The following DCUN1D4 variants were observed in gnomAD, a reference collection of about 807,000 sequenced individuals.
DCUN1D4 encodes defective in cullin neddylation 1 domain containing 4, also known as DCN1-like protein 4.
In DCUN1D4, 22 loss-of-function variants were observed where a neutral mutation model predicts 47.9. That is an observed-to-expected ratio of 0.46 (90% CI 0.33 to 0.66). The LOEUF (loss-of-function observed/expected upper bound fraction) is 0.66, where lower values mean the gene tolerates loss of function less well. Among genes scored for constraint, DCUN1D4 ranks in the 30% least tolerant of loss-of-function variants. The pLI, the probability that DCUN1D4 is intolerant of heterozygous loss-of-function variation, is 0.02. For missense variants in DCUN1D4, 301 were observed against 340.8 expected (o/e 0.88, Z 0.92); for synonymous variants, 121 against 112.2 (o/e 1.08, Z -0.50).
At chr4:51,864,022 G>GCAATGTGAAA (rs1725510896) in intron 3 of DCUN1D4, among the ~76,000 whole-genome samples, 1 of 152,170 alleles carries the variant, frequency 6.6e-6, no homozygotes, top group Non-Finnish European at 1.5e-5. Context: ...AATTTGAAAG[G>GCAATGTGAAA]TATTCCACAA....
At chr4:51,845,988 C>A (rs2109790802) in intron 1 of DCUN1D4, among the ~76,000 whole-genome samples, 1 of 152,248 alleles carries the variant, frequency 6.6e-6, no homozygotes, top group African/African-American at 2.4e-5. Flanking sequence ...GGAATTTTTT[C>A]TTGCAGAGGG....
chr4:51,913,755 T>C lies in DCUN1D4; in HGVS notation c.*171T>C. 1.7e-6 allele frequency: 1 copy of C among 588,536 alleles called. No individual in the cohort carries two copies. Among genetic ancestry groups the C allele is most frequent in the Non-Finnish European group, 2.9e-6 (1 of 341,148 alleles). 36.5% of individuals were successfully genotyped at this position (588,536 alleles called of 1,614,324 possible). On this transcript the variant is annotated 3_prime_UTR_variant, in exon 11 of 11. Transcript: ENST00000334635. ...GGCCAGCTCTGCTTGCTGTGTGGCA[T>C]TGTTCTCTTGGAAGGCTGCTTTGCA...
intron 3 of DCUN1D4, among the ~76,000 whole-genome samples, chr4:51,867,926 C>G (rs995491578): frequency 6.6e-6 from 1 of 152,248 alleles, no homozygotes; most frequent in African/African-American, 2.4e-5. Context: ...GGGGCACCTG[C>G]AGGTCTGCGC....
the DCUN1D4 span, among the ~76,000 whole-genome samples, chr4:51,837,390 G>C: frequency 6.6e-6 from 1 of 152,156 alleles, no homozygotes; most frequent in African/African-American, 2.4e-5. Flanking sequence ...ATCTTAGGCC[G>C]GGCGCGGTGG....
chr4:51,909,852 T>G (rs931521446), intron 8 of DCUN1D4, among the ~76,000 whole-genome samples: 2 of 152,204 alleles, frequency 1.3e-5, no homozygotes. Flanking sequence ...GGCAACAAGT[T>G]TCCTTGTCTT....
At chr4:51,891,621 C>G in intron 6 of DCUN1D4, 139 bp from the exon 7 acceptor site, 1 of 626,450 alleles carries the variant, frequency 1.6e-6, no homozygotes, top group Non-Finnish European at 2.6e-6. Context: ...GAAGTTAACT[C>G]TGCTCATATT....
At position 51,908,785 on chromosome 4, in the gene DCUN1D4, C is replaced by T. The variant is rs554539503; in HGVS notation, c.616-2285C>T. On this transcript the variant is annotated intron_variant, in intron 8 of 10. Transcript: ENST00000334635. ...TGTGGGAGCTCTCGACTGTTGTTCC[C>T]GGGAATTTTTAGTGTTTCCAGTCAT... The T allele has an allele frequency of 4.8e-5, 20 of 413,838 alleles. No individual in the cohort carries two copies. The East Asian group carries it at 1.2e-3, about 25-fold the overall frequency. The allele number at this position is 413,838 out of a possible 1,614,324, so 25.6% of individuals were successfully genotyped here.
At chr4:51,881,068 C>G (rs1397417061) in intron 5 of DCUN1D4, among the ~76,000 whole-genome samples, 1 of 152,054 alleles carries the variant, frequency 6.6e-6, no homozygotes, top group African/African-American at 2.4e-5. Context: ...GCAGAGGTTG[C>G]AGTGAGCCAA....
chr4:51,887,108 T>C (rs1238138605), intron 6 of DCUN1D4: 1 of 195,644 alleles, frequency 5.1e-6, no homozygotes, highest in Non-Finnish European at 1.1e-5. Context: ...AAGTGATTGC[T>C]TTTTTTTTTT....
chr4:51,839,453 G>A (rs973600481), upstream of DCUN1D4, among the ~76,000 whole-genome samples: 1 of 152,166 alleles, frequency 6.6e-6, no homozygotes, highest in Non-Finnish European at 1.5e-5. Flanking sequence ...TAGTTTACCA[G>A]TACAGTACTA....
intron 1 of DCUN1D4, chr4:51,844,832 A>G: frequency 1.0e-6 from 1 of 985,088 alleles, no homozygotes; most frequent in Non-Finnish European, 1.2e-6. Context: ...GCACGTGGGT[A>G]ACTGTGGAAA....
At position 51,889,482 on chromosome 4, in the gene DCUN1D4, G is replaced by A. The variant is rs557265695; in HGVS notation, c.415-2278G>A. On this transcript the variant is annotated intron_variant, in intron 6 of 10. Transcript: ENST00000334635. ...ATTTAAGTACTTAGATTTCTTGTTA[G>A]TTAACTTATGAAAGTCTCTTTTTTA... Among the ~76,000 whole-genome samples the A allele has an allele frequency of 5.3e-5, 8 of 152,266 alleles. No homozygotes were observed. In the South Asian group the frequency reaches 1.7e-3, roughly 32 times the overall value.
chr4:51,906,861 C>T (rs186892965), intron 8 of DCUN1D4, among the ~76,000 whole-genome samples: 1 of 152,328 alleles, frequency 6.6e-6, no homozygotes, highest in East Asian at 1.9e-4. Flanking sequence ...CAGTGAAGAG[C>T]TCCAGCTTAG....
Position 51,886,638 on chromosome 4 carries a change from C to T in DCUN1D4, c.414C>T (p.Asn138=), listed in dbSNP as rs200700354. ...FCEDIGVEPE[N]VVMLVLAWKL... is the part of the protein sequence containing the mutation. ...AAGACATTGGTGTTGAACCAGAAAA[C>T]GTGAGTCAAACTTACTGAGTTGGGT... Residue 138 remains asparagine, a splice_region_variant and synonymous_variant, in exon 6 of 11, where the codon AAC becomes AAT. Transcript: ENST00000334635. 3.3e-5 allele frequency: 54 copies of T among 1,613,494 alleles called. No individual in the cohort carries two copies. The highest frequency in any genetic ancestry group is 3.6e-5 in the Non-Finnish European group (43 of 1,179,678).
intron 8 of DCUN1D4, chr4:51,909,561 A>T (rs1733392323): frequency 6.5e-6 from 1 of 153,916 alleles, no homozygotes; most frequent in Non-Finnish European, 1.4e-5. Context: ...CAGTCTCTAG[A>T]TCACCTCTTC....
intron 8 of DCUN1D4, among the ~76,000 whole-genome samples, chr4:51,901,102 CT>C (rs1408379419): frequency 3.3e-5 from 5 of 152,162 alleles, no homozygotes; most frequent in African/African-American, 1.2e-4. Context: ...CATTCTTTCA[CT>C]TCTTACCCTG....
intron 5 of DCUN1D4, 113 bp from the exon 6 acceptor site, chr4:51,886,455 C>T (rs1729487574): frequency 7.2e-6 from 6 of 834,368 alleles, no homozygotes; most frequent in Admixed American, 2.9e-5. Context: ...TTTTTTTTTC[C>T]AAAAGGAGTT....
chr4:51,913,585 G>C lies in DCUN1D4; in HGVS notation c.*1G>C, dbSNP rs145055298. 5 of 1,611,378 alleles carry C rather than the reference G, an allele frequency of 3.1e-6. No homozygotes were observed. The highest frequency in any genetic ancestry group is 1.7e-4 in the Middle Eastern group (1 of 6,050). On this transcript the variant is annotated 3_prime_UTR_variant, in exon 11 of 11. Transcript: ENST00000334635. ...GTATAAAGACAAACAGATGTCCTAG[G>C]ACTTTATGCATAGCAGCGAGAGAGT...
Position 51,865,233 on chromosome 4 carries a change from C to A in DCUN1D4, c.136+1524C>A, listed in dbSNP as rs574966639. ...GCACCAGCATTTCCTCTGTAATCTTCCTTTATGATACCACCTCCTACATCT... is the reference window on the plus strand; with the variant it reads ...GCACCAGCATTTCCTCTGTAATCTTACTTTATGATACCACCTCCTACATCT... On this transcript the variant is annotated intron_variant, in intron 3 of 10. Coordinates refer to ENST00000334635, the MANE Select transcript of DCUN1D4 (RefSeq NM_001040402.3). 1.8e-4 allele frequency: 39 copies of A among 217,424 alleles called. 1 individual carries two copies. In the South Asian group the frequency reaches 3.0e-3, roughly 17 times the overall value. 13.5% of individuals were successfully genotyped at this position (217,424 alleles called of 1,614,324 possible).
Sources: allele counts gnomAD v4.1 joint callset (sites outside exome capture counted in the v4.1 genomes callset), GRCh38; gene constraint gnomAD v4.1.1; transcripts MANE v1.5; gene names NCBI Gene and HGNC (gene_info 2026-07-23, HGNC 2026-07-21).